The following SEMA7A variants were observed in gnomAD, a reference collection of about 807,000 sequenced individuals.
SEMA7A encodes the protein semaphorin-7A.
In SEMA7A, 21 loss-of-function variants were observed where a neutral mutation model predicts 67.5. The observed-to-expected ratio is 0.31, with a 90% confidence interval of 0.22 to 0.45. The LOEUF (loss-of-function observed/expected upper bound fraction) is 0.45, where lower values mean the gene tolerates loss of function less well. Among genes scored for constraint, SEMA7A ranks in the 20% least tolerant of loss-of-function variants. The pLI is 1.00. For synonymous variants in SEMA7A, 364 were observed against 368.5 expected (o/e 0.99, Z 0.14); for missense variants, 774 against 908.6 (o/e 0.85, Z 1.90).
At chr15:74,425,428 T>G (rs2061036227) in intron 1 of SEMA7A, among the ~76,000 whole-genome samples, 1 of 152,192 alleles carries the variant, frequency 6.6e-6, no homozygotes, top group Non-Finnish European at 1.5e-5. Flanking sequence ...TCAGGCAAGC[T>G]GACTCCAGAA....
rs772837307 is a variant in SEMA7A at position 74,418,782 on chromosome 15, G to A, written c.330+19C>T. 7 of 1,611,516 alleles carry A rather than the reference G, an allele frequency of 4.3e-6. No homozygotes were observed. The South Asian group carries it at 6.6e-5, about 15-fold the overall frequency. On this transcript the variant is annotated intron_variant, in intron 2 of 13. Coordinates refer to ENST00000261918, the MANE Select transcript of SEMA7A (RefSeq NM_003612.5). ...AGATAAGAGGGTAGGGGGGGTGTTG[G>A]GGGAAGAGAGAGGCTCACCGTGCGC...
chr15:74,426,210 G>A (rs2061042367), intron 1 of SEMA7A, among the ~76,000 whole-genome samples: 1 of 152,186 alleles, frequency 6.6e-6, no homozygotes, highest in African/African-American at 2.4e-5. Context: ...AGGAGGCAGA[G>A]GTTATAGTGA....
At chr15:74,432,123 T>G (rs2061093824) in intron 1 of SEMA7A, among the ~76,000 whole-genome samples, 1 of 151,262 alleles carries the variant, frequency 6.6e-6, no homozygotes, top group African/African-American at 2.4e-5. Context: ...GGGAAGACTT[T>G]GGGACAGGCA....
intron 1 of SEMA7A, among the ~76,000 whole-genome samples, chr15:74,427,731 T>C (rs1331080189): frequency 6.6e-6 from 1 of 152,128 alleles, no homozygotes; most frequent in Non-Finnish European, 1.5e-5. Context: ...CCTTCCTTGA[T>C]TGCACCATCC....
chr15:74,416,237 C>T (rs1400157889), intron 7 of SEMA7A, among the ~76,000 whole-genome samples: 4 of 152,028 alleles, frequency 2.6e-5, no homozygotes, highest in African/African-American at 7.2e-5. Context: ...AGTGCCAGGT[C>T]CCCACAGAGC....
chr15:74,413,063 C>A (rs1414838860), intron 10 of SEMA7A, among the ~76,000 whole-genome samples: 1 of 150,712 alleles, frequency 6.6e-6, no homozygotes, highest in Non-Finnish European at 1.5e-5. Flanking sequence ...GCATCACCTG[C>A]CCCAAAAAAG....
intron 10 of SEMA7A, among the ~76,000 whole-genome samples, chr15:74,413,344 T>C (rs1429727402): frequency 6.6e-6 from 1 of 152,224 alleles, no homozygotes; most frequent in African/African-American, 2.4e-5. Flanking sequence ...TTTTTCAGTC[T>C]AGCCCAAATA....
intron 10 of SEMA7A, among the ~76,000 whole-genome samples, chr15:74,413,905 C>G (rs1363310816): frequency 1.3e-5 from 2 of 152,134 alleles, no homozygotes; most frequent in Admixed American, 1.3e-4. Context: ...TGGGAAGCTG[C>G]GACAAACCCA....
intron 7 of SEMA7A, 74 bp downstream of exon 7, chr15:74,416,501 C>T: frequency 1.3e-6 from 2 of 1,505,200 alleles, no homozygotes; most frequent in Non-Finnish European, 1.8e-6. Context: ...TGCACACGGA[C>T]ACACAGAACT....
At chr15:74,413,055 A>C (rs931062371) in intron 10 of SEMA7A, among the ~76,000 whole-genome samples, 14 of 152,134 alleles carry the variant, frequency 9.2e-5, no homozygotes, top group African/African-American at 3.4e-4. Context: ...TTCCCAGGGC[A>C]TCACCTGCCC....
chr15:74,418,739 T>A, intron 2 of SEMA7A, 62 bp downstream of exon 2: 2 of 1,571,362 alleles, frequency 1.3e-6, no homozygotes, highest in South Asian at 2.3e-5. Flanking sequence ...CTGAGGACCC[T>A]TGGCAGGGCC....
chr15:74,413,839 T>C (rs1226659162), intron 10 of SEMA7A, among the ~76,000 whole-genome samples: 1 of 152,088 alleles, frequency 6.6e-6, no homozygotes, highest in African/African-American at 2.4e-5. Flanking sequence ...GGGCCTGAAT[T>C]GAATGGCCCC....
intron 10 of SEMA7A, among the ~76,000 whole-genome samples, chr15:74,413,509 C>T (rs539141151): frequency 1.3e-3 from 199 of 152,316 alleles, no homozygotes; most frequent in Non-Finnish European, 2.6e-3. Context: ...GCTCCCAGTT[C>T]CGCACTGTGT....
rs2061026987 is a variant in SEMA7A at position 74,424,560 on chromosome 15, G to C, written c.179-5608C>G. ...AACTAATGCCCTTCCAAGCCACCAA[G>C]GTCTGGATGCTCTCCCCATGGCACC... On this transcript the variant is annotated intron_variant, in intron 1 of 13. Coordinates refer to ENST00000261918, the MANE Select transcript of SEMA7A (RefSeq NM_003612.5). 2.6e-5 allele frequency among the ~76,000 whole-genome samples: 4 copies of C among 152,190 alleles called. No homozygotes were observed. The South Asian group carries it at 8.3e-4, about 32-fold the overall frequency.
Position 74,433,723 on chromosome 15 carries a change from C to A in SEMA7A, c.178+18G>T. The stretch of plus-strand genomic sequence containing the variant: ...AGCGTCTGATCCCGCGCCTGACCGG[C>A]CGCGCGGCGCCGCCTACCTTTCCAG... On this transcript the variant is annotated intron_variant, in intron 1 of 13. Transcript: ENST00000261918. 1 of 1,422,412 alleles carries A rather than the reference C, an allele frequency of 7.0e-7. No individual in the cohort carries two copies. The highest frequency in any genetic ancestry group is 1.5e-5 in the African/African-American group (1 of 66,688). 88.1% of individuals were successfully genotyped at this position (1,422,412 alleles called of 1,614,324 possible).
At chr15:74,427,040 A>C (rs937108452) in intron 1 of SEMA7A, 4 of 191,856 alleles carry the variant, frequency 2.1e-5, no homozygotes, top group African/African-American at 9.5e-5. Context: ...CCCTGGATTG[A>C]CCTTCCTCCT....
intron 7 of SEMA7A, among the ~76,000 whole-genome samples, 170 bp from the exon 8 acceptor site, chr15:74,416,155 T>C (rs2060946366): frequency 6.6e-6 from 1 of 151,998 alleles, no homozygotes; most frequent in African/African-American, 2.4e-5. Flanking sequence ...GGTCTCCAGA[T>C]GAGACTCCAG....
chr15:74,415,267 A>C (rs1488506932), intron 8 of SEMA7A, among the ~76,000 whole-genome samples: 1 of 151,952 alleles, frequency 6.6e-6, no homozygotes, highest in African/African-American at 2.4e-5. Flanking sequence ...ATGCCCCAGG[A>C]GGCCAGACCC....
Position 74,418,910 on chromosome 15 carries a change from G to C in SEMA7A, c.221C>G (p.Pro74Arg). ...TGGCTCGTGGAAAAGCACCGTGTGC[G>C]GCTCAGTCTGGCCAAAGTCCACCCG... Reference protein sequence around the residue: ...QDRVDFGQTEPHTVLFHEPGS... With the variant: ...QDRVDFGQTERHTVLFHEPGS... Residue 74 changes from proline (P) to arginine (R), a missense_variant, in exon 2 of 14, where the codon CCG becomes CGG. By Grantham distance (103) the Pro-to-Arg change is moderately radical. Transcript: ENST00000261918. 2 of 1,613,782 alleles carry C rather than the reference G, an allele frequency of 1.2e-6. No individual in the cohort carries two copies. The highest frequency in any genetic ancestry group is 1.7e-6 in the Non-Finnish European group (2 of 1,180,008).
Sources: gnomAD v4.1 joint callset for allele counts (sites outside exome capture counted in the v4.1 genomes callset) on GRCh38, gnomAD v4.1.1 for gene constraint, MANE v1.5 for transcripts, NCBI Gene and HGNC (gene_info 2026-07-23, HGNC 2026-07-21) for gene names.